XPO4: variants seen among roughly 807,000 people sequenced by gnomAD.
XPO4 encodes exportin-4.
A neutral mutation model predicts 143.0 loss-of-function variants in XPO4; 39 were observed. That is an observed-to-expected ratio of 0.27 (90% CI 0.21 to 0.36). The LOEUF (loss-of-function observed/expected upper bound fraction) is 0.36. Among genes scored for constraint, XPO4 ranks in the 10% least tolerant of loss-of-function variants. The pLI is 1.00. For missense variants in XPO4, 907 were observed against 1,348.0 expected (o/e 0.67, Z 5.12); for synonymous variants, 439 against 474.0 (o/e 0.93, Z 0.96).
At chr13:20,804,612 C>T (rs1380202678) in intron 13 of XPO4, among the ~76,000 whole-genome samples, 3 of 152,158 alleles carry the variant, frequency 2.0e-5, no homozygotes, top group Admixed American at 6.5e-5. Context: ...GATGCTGGCA[C>T]GCATAGGAGT....
chr13:20,865,061 T>C (rs953814435), intron 2 of XPO4, among the ~76,000 whole-genome samples: 1 of 152,108 alleles, frequency 6.6e-6, no homozygotes. Flanking sequence ...CAAATACATA[T>C]GAGCTTTACT....
Position 20,842,886 on chromosome 13 carries a change from A to C in XPO4, c.727+9T>G. On this transcript the variant is annotated intron_variant, in intron 6 of 22. Transcript: ENST00000255305. ...CCACAGATAAACTATTCATTTGTTA[A>C]AAGGATATAATTTGGAGGAAGAAAG... 1.3e-6 allele frequency: 2 copies of C among 1,599,854 alleles called. No individual in the cohort carries two copies. The highest frequency in any genetic ancestry group is 1.7e-6 in the Non-Finnish European group (2 of 1,170,530).
intron 6 of XPO4, among the ~76,000 whole-genome samples, chr13:20,829,795 G>A (rs2059830407): frequency 6.6e-6 from 1 of 152,150 alleles, no homozygotes; most frequent in East Asian, 1.9e-4. Context: ...GTAAGAGGGA[G>A]ATGATAAGCT....
intron 6 of XPO4, among the ~76,000 whole-genome samples, chr13:20,835,686 T>C (rs1179394279): frequency 6.6e-6 from 1 of 152,232 alleles, no homozygotes; most frequent in Non-Finnish European, 1.5e-5. Context: ...GAAATATCTA[T>C]ATAGTTCAGT....
At chr13:20,848,581 C>T (rs375422941) in intron 4 of XPO4, 6 of 985,262 alleles carry the variant, frequency 6.1e-6, no homozygotes, top group East Asian at 1.1e-4. Context: ...TTATTCTATT[C>T]CTTGATGATG....
At chr13:20,867,357 C>T (rs1046956214) in intron 2 of XPO4, among the ~76,000 whole-genome samples, 3 of 152,236 alleles carry the variant, frequency 2.0e-5, no homozygotes, top group East Asian at 1.9e-4. Flanking sequence ...TTTTTAAAGC[C>T]GATTACATTT....
rs1296930793 is a variant in XPO4 at position 20,779,160 on chromosome 13, T to A, written c.*4562A>T. 2 of 152,412 alleles carry A rather than the reference T, an allele frequency of 1.3e-5. No individual in the cohort carries two copies. Among genetic ancestry groups the A allele is most frequent in the East Asian group, 3.9e-4 (2 of 5,182 alleles). 9.4% of individuals were successfully genotyped at this position (152,412 alleles called of 1,614,324 possible). A position where few individuals can be genotyped will look rare whatever the true frequency, so the allele number is the denominator to read the frequency against. On this transcript the variant is annotated 3_prime_UTR_variant, in exon 23 of 23. Coordinates refer to ENST00000255305, the MANE Select transcript of XPO4 (RefSeq NM_022459.5). The stretch of plus-strand genomic sequence containing the variant: ...TTTAAAATTTTAATATTTATAAATT[T>A]AAAAAATTTTACACGTGCTGAGTGG...
intron 2 of XPO4, chr13:20,866,125 A>T (rs2060242757): frequency 2.0e-6 from 2 of 984,154 alleles, no homozygotes; most frequent in Non-Finnish European, 2.4e-6. Flanking sequence ...TTTTTAAAGG[A>T]ACATTTGATC....
At chr13:20,819,595 G>A (rs2059693666) in intron 9 of XPO4, among the ~76,000 whole-genome samples, 1 of 152,122 alleles carries the variant, frequency 6.6e-6, no homozygotes, top group Non-Finnish European at 1.5e-5. Flanking sequence ...GTGAGGCAGA[G>A]GTTGCAGTGA....
intron 1 of XPO4, among the ~76,000 whole-genome samples, chr13:20,871,324 T>C (rs1220310987): frequency 1.3e-5 from 2 of 152,222 alleles, no homozygotes; most frequent in South Asian, 2.1e-4. Context: ...CCAGTCTTTT[T>C]TGTTTTGTTT....
rs1247366382 is a variant in XPO4, at chr13:20,780,784, G to A, written c.*2938C>T. On this transcript the variant is annotated 3_prime_UTR_variant, in exon 23 of 23. Coordinates refer to ENST00000255305, the MANE Select transcript of XPO4 (RefSeq NM_022459.5). ...GGCCACCCTGAAAGACCCAAATAAT[G>A]GTGCTGGAAAGGACACTGTCAAATA... 6.6e-6 allele frequency: 1 copy of A among 152,148 alleles called. No individual in the cohort carries two copies. Among genetic ancestry groups the A allele is most frequent in the Non-Finnish European group, 1.5e-5 (1 of 68,032 alleles). 9.4% of individuals were successfully genotyped at this position (152,148 alleles called of 1,614,324 possible). A position where few individuals can be genotyped will look rare whatever the true frequency, so the allele number is the denominator to read the frequency against.
chr13:20,864,242 G>A (rs1286330796), intron 2 of XPO4, among the ~76,000 whole-genome samples: 1 of 151,816 alleles, frequency 6.6e-6, no homozygotes, highest in African/African-American at 2.4e-5. Flanking sequence ...AAAAAAGGGG[G>A]ACCCAGTTCC....
At chr13:20,886,665 T>C (rs2060464106) in intron 1 of XPO4, among the ~76,000 whole-genome samples, 1 of 151,896 alleles carries the variant, frequency 6.6e-6, no homozygotes, top group African/African-American at 2.4e-5. Flanking sequence ...AGCCAAAAGT[T>C]CTTTATTTGG....
At chr13:20,884,950 G>T (rs918541998) in intron 1 of XPO4, among the ~76,000 whole-genome samples, 1 of 151,902 alleles carries the variant, frequency 6.6e-6, no homozygotes, top group Non-Finnish European at 1.5e-5. Context: ...GGTTTTTTTG[G>T]TTTGTTTTTT....
intron 2 of XPO4, chr13:20,866,100 C>T: frequency 2.1e-5 from 21 of 985,240 alleles, no homozygotes; most frequent in Non-Finnish European, 2.5e-5. Context: ...TTAACAAGAA[C>T]AGAACTCACT....
chr13:20,863,768 G>T (rs2060222072), intron 2 of XPO4, among the ~76,000 whole-genome samples: 1 of 152,120 alleles, frequency 6.6e-6, no homozygotes, highest in Admixed American at 6.5e-5. Context: ...CAGATTATTT[G>T]CCAAGATCAC....
intron 4 of XPO4, among the ~76,000 whole-genome samples, 194 bp from the exon 5 acceptor site, chr13:20,844,080 G>A (rs1433758307): frequency 6.6e-6 from 1 of 152,074 alleles, no homozygotes; most frequent in Non-Finnish European, 1.5e-5. Context: ...AAGTGGTCTG[G>A]TCAGTGTTAA....
At chr13:20,789,560 T>A (rs1159076176) in intron 19 of XPO4, among the ~76,000 whole-genome samples, 1 of 150,302 alleles carries the variant, frequency 6.7e-6, no homozygotes, top group African/African-American at 2.5e-5. Context: ...ACACCCGGCT[T>A]TTTTTTTGTG....
In XPO4 at chr13:20,788,591, T is replaced by A. The variant is rs374091353; in HGVS notation, c.2942A>T (p.Tyr981Phe). ...LKFPTLCNQY[Y>F]KLITFICEIF... Reference sequence around the variant, plus strand: ...CTCACAGATAAATGTGATTAATTTGTAGTACTGATTACAAAGGGTTGGAAA... The same window carrying A: ...CTCACAGATAAATGTGATTAATTTGAAGTACTGATTACAAAGGGTTGGAAA... Residue 981 changes from tyrosine to phenylalanine, a missense_variant, in exon 20 of 23, where the codon TAC (tyrosine) becomes TTC (phenylalanine). Coordinates refer to ENST00000255305, the MANE Select transcript of XPO4 (RefSeq NM_022459.5). 15 of 1,608,822 alleles carry A rather than the reference T, an allele frequency of 9.3e-6. No homozygotes were observed. Among genetic ancestry groups the A allele is most frequent in the Non-Finnish European group, 1.3e-5 (15 of 1,178,308 alleles).
Sources: allele counts gnomAD v4.1 joint callset (sites outside exome capture counted in the v4.1 genomes callset), GRCh38; gene constraint gnomAD v4.1.1; transcripts MANE v1.5; gene names NCBI Gene and HGNC (gene_info 2026-07-23, HGNC 2026-07-21).